The following RBFOX1 variants were observed in gnomAD, a reference collection of about 807,000 sequenced individuals.
RBFOX1 encodes RNA binding protein fox-1 homolog 1.
A neutral mutation model predicts 57.7 loss-of-function variants in RBFOX1; 8 were observed. The ratio of observed to expected loss-of-function variants is 0.14; its 90% CI spans 0.08 to 0.25. RBFOX1 has a LOEUF of 0.25. Among genes scored for constraint, RBFOX1 ranks in the 10% least tolerant of loss-of-function variants. The probability of loss-of-function intolerance (pLI) is 1.00; values close to 1 mark genes in which losing one functional copy is unlikely to be tolerated. For synonymous variants in RBFOX1, 326 were observed against 222.4 expected (o/e 1.47, Z -4.15); for missense variants, 611 against 548.5 (o/e 1.11, Z -1.14).
At chr16:6,671,858 C>A (rs1603305781) in intron 3 of RBFOX1, among the ~76,000 whole-genome samples, 1 of 152,170 alleles carries the variant, frequency 6.6e-6, no homozygotes, top group South Asian at 2.1e-4. Flanking sequence ...TATAAGAGTT[C>A]ATGAAATTTT....
chr16:7,460,084 A>G (rs1290283338), intron 4 of RBFOX1, among the ~76,000 whole-genome samples: 5 of 152,050 alleles, frequency 3.3e-5, no homozygotes, highest in Non-Finnish European at 5.9e-5. Context: ...CAGTTAATTC[A>G]TCAATTCGAA....
intron 4 of RBFOX1, among the ~76,000 whole-genome samples, chr16:7,448,055 C>G (rs889368265): frequency 1.3e-5 from 2 of 152,186 alleles, no homozygotes; most frequent in Non-Finnish European, 2.9e-5. Context: ...TGTAAAACAA[C>G]TGACTAATCT....
chr16:7,380,512 C>G (rs996849168), intron 4 of RBFOX1, among the ~76,000 whole-genome samples: 2 of 152,206 alleles, frequency 1.3e-5, no homozygotes, highest in Non-Finnish European at 2.9e-5. Flanking sequence ...TGGTAATCAT[C>G]TTTCAGTGTA....
chr16:6,350,653 C>G (rs1338139711), intron 2 of RBFOX1, among the ~76,000 whole-genome samples: 1 of 152,122 alleles, frequency 6.6e-6, no homozygotes, highest in Non-Finnish European at 1.5e-5. Context: ...AATCACTTCT[C>G]TGTTGATAAT....
chr16:5,587,930 T>G (rs1285384885), intron 2 of RBFOX1, among the ~76,000 whole-genome samples: 4 of 152,162 alleles, frequency 2.6e-5, no homozygotes, highest in African/African-American at 9.7e-5. Flanking sequence ...TAACATTATT[T>G]TTCATAGCCA....
At chr16:6,051,208 A>G (rs890210905) in intron 1 of RBFOX1, among the ~76,000 whole-genome samples, 3 of 151,848 alleles carry the variant, frequency 2.0e-5, no homozygotes, top group South Asian at 2.1e-4. Context: ...GAGGTGTCCC[A>G]TGAATCTTAA....
intron 3 of RBFOX1, among the ~76,000 whole-genome samples, chr16:6,800,857 C>G (rs1273198414): frequency 6.6e-6 from 1 of 151,960 alleles, no homozygotes; most frequent in Non-Finnish European, 1.5e-5. Flanking sequence ...TCATTTTCTT[C>G]TGGTTGTTTT....
intron 4 of RBFOX1, among the ~76,000 whole-genome samples, chr16:5,876,796 A>G (rs2057623798): frequency 6.6e-6 from 1 of 152,146 alleles, no homozygotes; most frequent in South Asian, 2.1e-4. Flanking sequence ...ACCAAATTAG[A>G]CAGAACAGCA....
intron 3 of RBFOX1, among the ~76,000 whole-genome samples, chr16:6,709,737 C>G (rs1217461956): frequency 6.6e-6 from 1 of 151,970 alleles, no homozygotes; most frequent in African/African-American, 2.4e-5. Context: ...TCCCTGGTAA[C>G]TTAAGTGTGG....
intron 3 of RBFOX1, among the ~76,000 whole-genome samples, chr16:6,695,807 T>C (rs1010850063): frequency 6.6e-6 from 1 of 152,246 alleles, no homozygotes; most frequent in Admixed American, 6.5e-5. Flanking sequence ...TTCATTGTCA[T>C]GTCCTGTTTT....
At chr16:5,781,913 G>C (rs1483262229) in intron 3 of RBFOX1, among the ~76,000 whole-genome samples, 1 of 152,208 alleles carries the variant, frequency 6.6e-6, no homozygotes, top group Non-Finnish European at 1.5e-5. Flanking sequence ...AATTTATAAA[G>C]AACAGGAACA....
intron 2 of RBFOX1, among the ~76,000 whole-genome samples, chr16:5,468,300 T>C (rs1459315403): frequency 6.6e-6 from 1 of 152,164 alleles, no homozygotes; most frequent in African/African-American, 2.4e-5. Flanking sequence ...CAAAACATTT[T>C]CATCATGCCA....
intron 3 of RBFOX1, among the ~76,000 whole-genome samples, chr16:6,765,223 G>C (rs1179074111): frequency 1.3e-5 from 2 of 152,140 alleles, no homozygotes; most frequent in Non-Finnish European, 2.9e-5. Context: ...TGGAGGAACA[G>C]AATGAGGCCA....
intron 2 of RBFOX1, among the ~76,000 whole-genome samples, chr16:6,508,356 C>T (rs2096164832): frequency 6.6e-6 from 1 of 152,068 alleles, no homozygotes; most frequent in Non-Finnish European, 1.5e-5. Flanking sequence ...TGTCCCCGAA[C>T]ATAAAACTTA....
intron 4 of RBFOX1, among the ~76,000 whole-genome samples, chr16:7,313,446 C>T (rs1166200819): frequency 6.9e-6 from 1 of 145,160 alleles, no homozygotes; most frequent in Non-Finnish European, 1.5e-5. Flanking sequence ...TTTCTTTCTT[C>T]TTTTTTATCT....
intron 4 of RBFOX1, among the ~76,000 whole-genome samples, chr16:7,293,658 G>C (rs1216911880): frequency 6.6e-6 from 1 of 152,154 alleles, no homozygotes; most frequent in Non-Finnish European, 1.5e-5. Flanking sequence ...CTAAAACTTG[G>C]AATCCTAGAG....
intron 4 of RBFOX1, among the ~76,000 whole-genome samples, chr16:7,161,348 A>G (rs1462327430): frequency 2.0e-5 from 3 of 152,086 alleles, no homozygotes; most frequent in South Asian, 2.1e-4. Context: ...TGCTTTTAGC[A>G]TTGCTTTAAA....
chr16:7,688,809 A>C (rs2076697619), intron 14 of RBFOX1, among the ~76,000 whole-genome samples: 1 of 152,138 alleles, frequency 6.6e-6, no homozygotes. Flanking sequence ...TTGTTGTTAG[A>C]ATATGTTTTT....
chr16:6,908,739 C>G (rs563412096), intron 3 of RBFOX1, among the ~76,000 whole-genome samples: 1 of 152,280 alleles, frequency 6.6e-6, no homozygotes, highest in Admixed American at 6.5e-5. Flanking sequence ...AATCCTTGTT[C>G]ACCTCATTGA....
Sources: allele counts gnomAD v4.1 joint callset (sites outside exome capture counted in the v4.1 genomes callset), GRCh38; gene constraint gnomAD v4.1.1; transcripts MANE v1.5; gene names NCBI Gene and HGNC (gene_info 2026-07-23, HGNC 2026-07-21).